The following DYNC1H1 variants were observed in gnomAD, a reference collection of about 807,000 sequenced individuals.
The protein encoded by DYNC1H1 is dynein cytoplasmic 1 heavy chain 1.
DYNC1H1 carries 51 observed loss-of-function variants against 527.1 expected under a neutral mutation model. The ratio of observed to expected loss-of-function variants is 0.10; its 90% CI spans 0.08 to 0.12. DYNC1H1 has a LOEUF of 0.12. DYNC1H1 is among the 10% of genes least tolerant of loss of function. The pLI is 1.00. For missense variants in DYNC1H1, 2,771 were observed against 5,971.8 expected, an observed-to-expected ratio of 0.46 and a Z score of 17.66; for synonymous variants, 2,189 against 2,278.8, an observed-to-expected ratio of 0.96 and a Z score of 1.12.
chr14:101,986,891 G>A lies in DYNC1H1; in HGVS notation c.2538+128G>A. ...GATGCAGCATACGGCCATGTGAGCT[G>A]CAAGGGAGGAGGACCCTTTGTACTC... On this transcript the variant is annotated intron_variant, in intron 8 of 77. Transcript: ENST00000360184. This position sits in a 1 kb window ranked among gnomAD's most constrained non-coding sequence, Gnocchi z 8.7. 3 of 1,173,994 alleles carry A rather than the reference G, an allele frequency of 2.6e-6. No homozygotes were observed. The highest frequency in any genetic ancestry group is 3.8e-6 in the Non-Finnish European group (3 of 791,974). The allele number at this position is 1,173,994 out of a possible 1,614,324, so 72.7% of individuals were successfully genotyped here. A position where few individuals can be genotyped will look rare whatever the true frequency, so the allele number is the denominator to read the frequency against.
In DYNC1H1 at chr14:102,001,478, G is replaced by C; in HGVS notation, c.4396-57G>C. Reference sequence around the variant, plus strand: ...TGGTTCTTATAATGCTGGGTCCCTTGTGCAGGTAGTGAATGCCCACATATT... The same window carrying C: ...TGGTTCTTATAATGCTGGGTCCCTTCTGCAGGTAGTGAATGCCCACATATT... On this transcript the variant is annotated intron_variant, in intron 20 of 77. Transcript: ENST00000360184. The surrounding 1 kb of genome is among the most constrained non-coding windows in gnomAD (Gnocchi z 5.0). 14 of 1,613,908 alleles carry C rather than the reference G, an allele frequency of 8.7e-6. No individual in the cohort carries two copies. Among genetic ancestry groups the C allele is most frequent in the Non-Finnish European group, 1.1e-5 (13 of 1,179,846 alleles).
At position 102,041,266 on chromosome 14, in the gene DYNC1H1, C is replaced by T. The variant is rs776993061; in HGVS notation, c.11942-308C>T. 15 of 428,644 alleles carry T rather than the reference C, an allele frequency of 3.5e-5. No individual in the cohort carries two copies. Among genetic ancestry groups the T allele is most frequent in the Non-Finnish European group, 6.6e-5 (15 of 228,506 alleles). The allele number at this position is 428,644 out of a possible 1,614,324, so 26.6% of individuals were successfully genotyped here. On this transcript the variant is annotated intron_variant, in intron 64 of 77. Transcript: ENST00000360184. This position sits in a 1 kb window ranked among gnomAD's most constrained non-coding sequence, Gnocchi z 4.5. ...AAGTGTCAGACTGTGGAGGGCAGAG[C>T]GTGGAGCCCCCTTCCTGAGTACCTT...
rs17540964 is a variant in DYNC1H1, at chr14:102,000,447, G to A, written c.4074+48G>A. 0.013 allele frequency: 20,218 copies of A among 1,583,976 alleles called. 164 individuals are homozygous for A. The highest frequency in any genetic ancestry group is 0.032 in the Middle Eastern group (191 of 5,896). On this transcript the variant is annotated intron_variant, in intron 18 of 77. Coordinates refer to ENST00000360184, the MANE Select transcript of DYNC1H1 (RefSeq NM_001376.5). ...GTGTACGTCTATTTTAACAGTTACA[G>A]ACTTTATTTAGGAACGTGACAAGCC...
chr14:102,010,205 C>T lies in DYNC1H1; in HGVS notation c.6222-71C>T, dbSNP rs2048242060. 3 of 1,612,360 alleles carry T rather than the reference C, an allele frequency of 1.9e-6. No homozygotes were observed. On this transcript the variant is annotated intron_variant, in intron 30 of 77. Coordinates refer to ENST00000360184, the MANE Select transcript of DYNC1H1 (RefSeq NM_001376.5). The surrounding 1 kb of genome is among the most constrained non-coding windows in gnomAD (Gnocchi z 6.0). ...CTTTCAAAATATCCATCTCTGGTTTCTTGACACTTGACCCTATTATTGCTT... is the reference window on the plus strand; with the variant it reads ...CTTTCAAAATATCCATCTCTGGTTTTTTGACACTTGACCCTATTATTGCTT...
chr14:102,004,243 CA>C (rs1410007590), intron 23 of DYNC1H1, among the ~76,000 whole-genome samples: 1 of 132,378 alleles, frequency 7.6e-6, no homozygotes, highest in African/African-American at 3.8e-5. Flanking sequence ...GACTCCGTCT[CA>C]AAAATAAATA....
intron 72 of DYNC1H1, 176 bp from the exon 73 acceptor site, chr14:102,047,641 G>GTGTGTGTATA: frequency 1.6e-5 from 5 of 316,756 alleles, no homozygotes; most frequent in East Asian, 1.4e-4. Flanking sequence ...GTGTGTGTGT[G>GTGTGTGTATA]TATATATATA....
rs1287359925 is a variant in DYNC1H1, at chr14:102,047,639, G to GTATATATATATATATATATATA, written c.13007-177_13007-176insATATATATATATATATATATAT. 4.8e-5 allele frequency: 17 copies of GTATATATATATATATATATATA among 352,006 alleles called. No individual in the cohort carries two copies. In the African/African-American group the frequency reaches 6.2e-4, roughly 13 times the overall value. The allele number at this position is 352,006 out of a possible 1,614,324, so 21.8% of individuals were successfully genotyped here. On this transcript the variant is annotated intron_variant, in intron 72 of 77. Transcript: ENST00000360184. ...TATACACGTGTGTGTGTGTGTGTGT[G>GTATATATATATATATATATATA]TGTATATATATATATATATATATAT...
Position 102,016,125 on chromosome 14 carries a change from C to T in DYNC1H1, c.7473+39C>T, listed in dbSNP as rs940641274. On this transcript the variant is annotated intron_variant, in intron 36 of 77. Transcript: ENST00000360184. The surrounding 1 kb of genome is among the most constrained non-coding windows in gnomAD (Gnocchi z 7.3). ...AGGGGCTTCACAGAGCTCACCACTG[C>T]GCCAGACCACAGGTCTGAGGACCTC... 12 of 1,567,528 alleles carry T rather than the reference C, an allele frequency of 7.7e-6. No homozygotes were observed. In the Admixed American group the frequency reaches 1.5e-4, roughly 20 times the overall value.
intron 56 of DYNC1H1, chr14:102,034,716 G>A: frequency 1.8e-6 from 1 of 567,580 alleles, no homozygotes. Flanking sequence ...GTGAGGTCAG[G>A]AGTTTGAGAC....
chr14:102,021,541 C>T (rs1249182710), intron 42 of DYNC1H1, among the ~76,000 whole-genome samples: 3 of 152,080 alleles, frequency 2.0e-5, no homozygotes, highest in Non-Finnish European at 4.4e-5. Flanking sequence ...TTACAGTCAG[C>T]TTCTCAAAAG....
At position 102,019,956 on chromosome 14, in the gene DYNC1H1, G is replaced by T; in HGVS notation, c.8407G>T (p.Val2803Leu). 6.2e-7 allele frequency: 1 copy of T among 1,614,194 alleles called. No homozygotes were observed. Among genetic ancestry groups the T allele is most frequent in the Non-Finnish European group, 8.5e-7 (1 of 1,180,032 alleles). Reference protein sequence around the residue: ...IYSPREMTRWVRGIFEALRPL... With the variant: ...IYSPREMTRWLRGIFEALRPL... ...TTCACCCCGTGAAATGACTAGGTGG[G>T]TGAGAGGCATCTTTGAAGCGCTGAG... The change falls in exon 42 of 78, where the codon GTG becomes TTG. Residue 2803 changes from valine to leucine, a missense_variant. This residue lies in a region of DYNC1H1 where 163 missense variants were observed against 346.9 expected (regional missense o/e 0.47). Transcript: ENST00000360184.
At chr14:101,984,448 A>ATT (rs1224932045) in intron 7 of DYNC1H1, among the ~76,000 whole-genome samples, 2,623 of 89,090 alleles carry the variant, frequency 0.029, 158 homozygotes, top group African/African-American at 0.042. Flanking sequence ...TATATATATT[A>ATT]TATTTTTTTT....
rs779202254 is a variant in DYNC1H1 at position 102,048,045 on chromosome 14, C to T, written c.13218+17C>T. 44 of 1,601,940 alleles carry T rather than the reference C, an allele frequency of 2.7e-5. No individual in the cohort carries two copies. The highest frequency in any genetic ancestry group is 1.9e-4 in the Middle Eastern group (1 of 5,164). ...AATATCAAGGTAGCTGGGAGGGTGG[C>T]GGGCCGGCCAGGTCTCAAGGTCCCA... On this transcript the variant is annotated intron_variant, in intron 73 of 77. Coordinates refer to ENST00000360184, the MANE Select transcript of DYNC1H1 (RefSeq NM_001376.5).
chr14:101,994,470 A>T, intron 12 of DYNC1H1, 146 bp downstream of exon 12: 1 of 1,391,314 alleles, frequency 7.2e-7, no homozygotes, highest in Middle Eastern at 2.4e-4. Context: ...GCAGAGAGTA[A>T]ATGATAGGAT....
chr14:102,008,483 A>G lies in DYNC1H1; in HGVS notation c.5977+146A>G, dbSNP rs1477168929. The G allele has an allele frequency of 4.9e-6, 6 of 1,213,608 alleles. 1 individual carries two copies. In the East Asian group the frequency reaches 1.3e-4, roughly 26 times the overall value. 75.2% of individuals were successfully genotyped at this position (1,213,608 alleles called of 1,614,324 possible). The stretch of plus-strand genomic sequence containing the variant: ...ACAGGCAGTGTAGTGAGCTGTGGTT[A>G]AAGACGGAAGGTAAGAAACCCAGGC... On this transcript the variant is annotated intron_variant, in intron 29 of 77. Transcript: ENST00000360184.
In DYNC1H1 at chr14:102,044,924, C is replaced by T. The variant is rs1052483991; in HGVS notation, c.13006+226C>T. On this transcript the variant is annotated intron_variant, in intron 72 of 77. Transcript: ENST00000360184. The surrounding 1 kb of genome is among the most constrained non-coding windows in gnomAD (Gnocchi z 7.1). ...AGAGGAAAGAACTGGCTCTTCTCTGCAGCATCAACTCAGTTCTAGAGAAAA... is the reference window on the plus strand; with the variant it reads ...AGAGGAAAGAACTGGCTCTTCTCTGTAGCATCAACTCAGTTCTAGAGAAAA... 1 of 593,706 alleles carries T rather than the reference C, an allele frequency of 1.7e-6. No individual in the cohort carries two copies. The allele number at this position is 593,706 out of a possible 1,614,324, so 36.8% of individuals were successfully genotyped here.
intron 51 of DYNC1H1, among the ~76,000 whole-genome samples, chr14:102,030,899 T>C (rs894210272): frequency 4.6e-5 from 7 of 152,130 alleles, no homozygotes; most frequent in Non-Finnish European, 8.8e-5. Flanking sequence ...AGGAGGACCA[T>C]TTGAACTTAG....
intron 44 of DYNC1H1, 133 bp downstream of exon 44, chr14:102,026,840 C>G (rs2048456886): frequency 7.5e-7 from 1 of 1,340,660 alleles, no homozygotes. Flanking sequence ...CAGCTTCCCC[C>G]TTCTCTTCTT....
intron 4 of DYNC1H1, 99 bp from the exon 5 acceptor site, chr14:101,980,265 A>T: frequency 6.9e-7 from 1 of 1,445,052 alleles, no homozygotes; most frequent in Non-Finnish European, 9.7e-7. Context: ...ATCTACTTGA[A>T]ATATAAAAAT....
Sources: gnomAD v4.1 joint callset for allele counts (sites outside exome capture counted in the v4.1 genomes callset) on GRCh38, gnomAD v4.1.1 for gene constraint, gnomAD v4.1.1 regional missense constraint, Gnocchi (gnomAD v3.1) non-coding constraint, MANE v1.5 for transcripts, NCBI Gene and HGNC (gene_info 2026-07-23, HGNC 2026-07-21) for gene names.